DYRK1A: variants seen among roughly 807,000 people sequenced by gnomAD.
DYRK1A encodes dual specificity tyrosine-phosphorylation-regulated kinase 1A.
DYRK1A carries 9 observed loss-of-function variants against 79.7 expected under a neutral mutation model. The ratio of observed to expected loss-of-function variants is 0.11; its 90% CI spans 0.07 to 0.20. The LOEUF (loss-of-function observed/expected upper bound fraction) is 0.20. Ranked by LOEUF, DYRK1A falls within the 10% of genes least tolerant of loss-of-function variation. The pLI, the probability that DYRK1A is intolerant of heterozygous loss-of-function variation, is 1.00. For synonymous variants in DYRK1A, 349 were observed against 329.7 expected (o/e 1.06, Z -0.63); for missense variants, 622 against 956.0 (o/e 0.65, Z 4.61).
At chr21:37,483,683 A>C (rs2052742343) in intron 5 of DYRK1A, among the ~76,000 whole-genome samples, 1 of 152,050 alleles carries the variant, frequency 6.6e-6, no homozygotes. Flanking sequence ...CCTGGGTTCA[A>C]GTGATCCTCC....
At chr21:37,378,352 G>A (rs149154642) in intron 1 of DYRK1A, among the ~76,000 whole-genome samples, 99 of 152,318 alleles carry the variant, frequency 6.5e-4, no homozygotes, top group African/African-American at 2.4e-3. Context: ...GACCGACATG[G>A]AGAAACCCTG....
chr21:37,447,359 C>T (rs773674178), intron 2 of DYRK1A, among the ~76,000 whole-genome samples: 8 of 152,076 alleles, frequency 5.3e-5, no homozygotes, highest in Non-Finnish European at 1.0e-4. Flanking sequence ...TATATATACA[C>T]ATTTTTATAT....
At chr21:37,441,505 T>A (rs1283061565) in intron 2 of DYRK1A, among the ~76,000 whole-genome samples, 1 of 152,162 alleles carries the variant, frequency 6.6e-6, no homozygotes, top group Non-Finnish European at 1.5e-5. Context: ...TTGGATTGAT[T>A]GAAATTTTTA....
chr21:37,459,658 T>G lies in DYRK1A; in HGVS notation c.11-13026T>G, dbSNP rs148835654. ...GAAGAAATTTATGTAATTGAAATTC[T>G]GATTTCTATGTAACGTTCTGTTTTC... is the stretch of plus-strand genomic sequence containing the variant. On this transcript the variant is annotated intron_variant, in intron 2 of 11. Transcript: ENST00000647188. 3.6e-3 allele frequency among the ~76,000 whole-genome samples: 545 copies of G among 152,362 alleles called. 1 individual carries two copies. Among genetic ancestry groups the G allele is most frequent in the African/African-American group, 0.012 (490 of 41,584 alleles).
At chr21:37,456,460 G>A (rs1356172997) in intron 2 of DYRK1A, among the ~76,000 whole-genome samples, 2 of 152,148 alleles carry the variant, frequency 1.3e-5, no homozygotes, top group Non-Finnish European at 2.9e-5. Context: ...TTTTGGCCCA[G>A]CCACCCCTTT....
At chr21:37,508,634 T>G (rs969918463) in intron 11 of DYRK1A, among the ~76,000 whole-genome samples, 4 of 131,666 alleles carry the variant, frequency 3.0e-5, no homozygotes, top group Non-Finnish European at 6.7e-5. Flanking sequence ...CTACCTGAAG[T>G]GAAATGTAGA....
chr21:37,429,562 C>T (rs971786671), intron 2 of DYRK1A, among the ~76,000 whole-genome samples: 2 of 152,118 alleles, frequency 1.3e-5, no homozygotes, highest in Non-Finnish European at 2.9e-5. Context: ...AACCAGATCT[C>T]GCGAGAACGT....
chr21:37,373,586 T>C (rs2049476843), intron 1 of DYRK1A, among the ~76,000 whole-genome samples: 1 of 152,214 alleles, frequency 6.6e-6, no homozygotes. Context: ...TCTTGTTGCT[T>C]TCCTGTGCTT....
At chr21:37,465,355 A>T (rs1050589150) in intron 2 of DYRK1A, among the ~76,000 whole-genome samples, 1 of 152,242 alleles carries the variant, frequency 6.6e-6, no homozygotes, top group African/African-American at 2.4e-5. Context: ...CCCTAAAAAA[A>T]GTTTCAACTT....
chr21:37,502,078 T>G (rs2053467424), intron 9 of DYRK1A: 1 of 152,116 alleles, frequency 6.6e-6, no homozygotes, highest in Admixed American at 6.5e-5. Context: ...ATTTTCATGG[T>G]GTGTGTGTGT....
chr21:37,366,203 C>G (rs987167376), upstream of DYRK1A: 1 of 150,918 alleles, frequency 6.6e-6, no homozygotes, highest in Non-Finnish European at 1.5e-5. Flanking sequence ...CCCTCCAGGC[C>G]CGGGCGCGCG....
intron 1 of DYRK1A, among the ~76,000 whole-genome samples, chr21:37,397,969 G>A (rs1225159353): frequency 2.0e-5 from 3 of 151,636 alleles, no homozygotes; most frequent in Admixed American, 1.3e-4. Context: ...TGGGCACAGT[G>A]GCTCACACCT....
chr21:37,389,135 C>T (rs907890415), intron 1 of DYRK1A, among the ~76,000 whole-genome samples: 1 of 151,594 alleles, frequency 6.6e-6, no homozygotes, highest in Admixed American at 6.6e-5. Flanking sequence ...ACCTTAGCCT[C>T]CCAAAGTGTT....
chr21:37,461,943 G>A (rs144665222), intron 2 of DYRK1A, among the ~76,000 whole-genome samples: 1,522 of 149,068 alleles, frequency 0.01, 23 homozygotes, highest in African/African-American at 0.034. Flanking sequence ...TTTCTTCTGC[G>A]GTGTCTGAAC....
chr21:37,389,918 G>GT lies in DYRK1A; in HGVS notation c.-77+22296dup, dbSNP rs1337784767. 1.5e-3 allele frequency among the ~76,000 whole-genome samples: 223 copies of GT among 145,112 alleles called. 3 individuals carry two copies. The highest frequency in any genetic ancestry group is 5.3e-3 in the African/African-American group (208 of 39,540). ...TCTGTAGTATTTACTTATGTATTTT[G>GT]TTTTTTGTTTTTTTTTTTTTTTAGA... is the stretch of plus-strand genomic sequence containing the variant. On this transcript the variant is annotated intron_variant, in intron 1 of 11. Coordinates refer to ENST00000647188, the MANE Select transcript of DYRK1A (RefSeq NM_001347721.2).
At chr21:37,401,482 C>T (rs73216432) in intron 1 of DYRK1A, among the ~76,000 whole-genome samples, 10,719 of 137,464 alleles carry the variant, frequency 0.078, 607 homozygotes, top group Non-Finnish European at 0.12. Context: ...TTTCTAGTTC[C>T]TTTTTTTTTT....
rs2052272230 is a variant in DYRK1A at position 37,472,817 on chromosome 21, A to C, written c.144A>C (p.Ile48=). The C allele has an allele frequency of 6.2e-7, 1 of 1,609,384 alleles. No homozygotes were observed. The highest frequency in any genetic ancestry group is 8.5e-7 in the Non-Finnish European group (1 of 1,176,762). Reference sequence around the variant, plus strand: ...ACAGTGACCGTCGCCAGCCAAACATAAGTGACCAACAGGTTTCTGCCTTAT... The same window carrying C: ...ACAGTGACCGTCGCCAGCCAAACATCAGTGACCAACAGGTTTCTGCCTTAT... ...HQYSDRRQPN[I]SDQQVSALSY... is the part of the protein sequence containing the mutation. Residue 48 remains isoleucine, a synonymous_variant, in exon 3 of 12, where the codon ATA becomes ATC. Coordinates refer to ENST00000647188, the MANE Select transcript of DYRK1A (RefSeq NM_001347721.2).
intron 1 of DYRK1A, among the ~76,000 whole-genome samples, chr21:37,384,027 C>T (rs2049711824): frequency 6.6e-6 from 1 of 152,126 alleles, no homozygotes; most frequent in Non-Finnish European, 1.5e-5. Flanking sequence ...GAACTGTGAT[C>T]CCTGACAGAT....
intron 2 of DYRK1A, among the ~76,000 whole-genome samples, chr21:37,429,870 C>T (rs1246530977): frequency 6.6e-6 from 1 of 152,206 alleles, no homozygotes; most frequent in Non-Finnish European, 1.5e-5. Flanking sequence ...ACCCCTTTTA[C>T]TATTTTCCGT....
Sources: gnomAD v4.1 joint callset for allele counts (sites outside exome capture counted in the v4.1 genomes callset) on GRCh38, gnomAD v4.1.1 for gene constraint, MANE v1.5 for transcripts, NCBI Gene and HGNC (gene_info 2026-07-23, HGNC 2026-07-21) for gene names.